The following MAPRE3 variants were observed in gnomAD, a reference collection of about 807,000 sequenced individuals.
MAPRE3 encodes the protein microtubule associated protein RP/EB family member 3.
A neutral mutation model predicts 30.5 loss-of-function variants in MAPRE3; 2 were observed. The ratio of observed to expected loss-of-function variants is 0.07; its 90% confidence interval spans 0.03 to 0.21. The LOEUF (loss-of-function observed/expected upper bound fraction) is 0.21, where lower values mean the gene tolerates loss of function less well. MAPRE3 is among the 10% of genes least tolerant of loss of function. The probability of loss-of-function intolerance (pLI) is 1.00; values close to 1 mark genes in which losing one functional copy is unlikely to be tolerated. For synonymous variants in MAPRE3, 110 were observed against 127.7 expected, an observed-to-expected ratio of 0.86 and a Z score of 0.93; for missense variants, 204 against 351.8, an observed-to-expected ratio of 0.58 and a Z score of 3.36.
At chr2:27,012,381 G>T (rs1666881647) in intron 1 of MAPRE3, 1 of 152,160 alleles carries the variant, frequency 6.6e-6, no homozygotes, top group Non-Finnish European at 1.5e-5. Context: ...TGTTCATTTG[G>T]CCAGGTTCAG....
At chr2:27,008,462 T>C (rs1666777109) in intron 1 of MAPRE3, among the ~76,000 whole-genome samples, 1 of 152,110 alleles carries the variant, frequency 6.6e-6, no homozygotes, top group Admixed American at 6.5e-5. Flanking sequence ...GAAATTTATT[T>C]TAAAAAGAAG....
Position 27,025,630 on chromosome 2 carries a change from G to A in MAPRE3, c.517G>A (p.Gly173Ser), listed in dbSNP as rs556886277. The change falls in exon 5 of 7, where the codon GGC (glycine) becomes AGC (serine). Residue 173 changes from glycine (G) to serine (S), a missense_variant. Gly to Ser is a moderately conservative substitution (Grantham distance 56). This residue lies in a region of MAPRE3 where 32 missense variants were observed against 20.7 expected (regional missense o/e 1.55). Coordinates refer to ENST00000233121, the MANE Select transcript of MAPRE3 (RefSeq NM_012326.4). Reference sequence around the variant, plus strand: ...AGGCCCAAAAAACATGCAGACCTCTGGCCGGCTGAGCAATGTGGCCCCCCC... The same window carrying A: ...AGGCCCAAAAAACATGCAGACCTCTAGCCGGCTGAGCAATGTGGCCCCCCC... Reference protein sequence around the residue: ...PTGPKNMQTSGRLSNVAPPCI... With the variant: ...PTGPKNMQTSSRLSNVAPPCI... 2.5e-6 allele frequency: 4 copies of A among 1,604,134 alleles called. No homozygotes were observed. The highest frequency in any genetic ancestry group is 3.4e-6 in the Non-Finnish European group (4 of 1,175,088).
Position 27,026,951 on chromosome 2 carries a change from T to A in MAPRE3, c.*603T>A, listed in dbSNP as rs1270169467. On this transcript the variant is annotated 3_prime_UTR_variant, in exon 7 of 7. Coordinates refer to ENST00000233121, the MANE Select transcript of MAPRE3 (RefSeq NM_012326.4). Reference sequence around the variant, plus strand: ...GGGGTCAGGGAAAGGGAGGGGGGCATGTGAGGGATGGAAATGACCTCCTGG... The same window carrying A: ...GGGGTCAGGGAAAGGGAGGGGGGCAAGTGAGGGATGGAAATGACCTCCTGG... The A allele has an allele frequency of 6.6e-6, 1 of 152,416 alleles. No homozygotes were observed. Among genetic ancestry groups the A allele is most frequent in the Non-Finnish European group, 1.5e-5 (1 of 68,262 alleles). 9.4% of individuals were successfully genotyped at this position (152,416 alleles called of 1,614,324 possible).
chr2:26,995,465 A>G (rs924351837), intron 1 of MAPRE3: 1 of 152,242 alleles, frequency 6.6e-6, no homozygotes, highest in African/African-American at 2.4e-5. Context: ...TCTAGAAAGT[A>G]AGGAACTTAC....
intron 1 of MAPRE3, among the ~76,000 whole-genome samples, chr2:27,008,012 T>G (rs1250575644): frequency 6.6e-6 from 1 of 152,256 alleles, no homozygotes; most frequent in Non-Finnish European, 1.5e-5. Context: ...CTTTTGACTA[T>G]CTCAGTCCTT....
At chr2:26,997,703 C>G (rs1021705746) in intron 1 of MAPRE3, among the ~76,000 whole-genome samples, 3 of 152,112 alleles carry the variant, frequency 2.0e-5, no homozygotes, top group African/African-American at 7.2e-5. Context: ...TTGGTAATCC[C>G]TGGTAGAAAG....
Position 26,995,780 on chromosome 2 carries a change from G to GGTGTGTGTGTGTGTGTGTGTGTGT in MAPRE3, c.-8+25005_-8+25028dup, listed in dbSNP as rs1276648645. Among the ~76,000 whole-genome samples, 155 of 109,692 alleles carry GGTGTGTGTGTGTGTGTGTGTGTGT rather than the reference G, an allele frequency of 1.4e-3. 5 individuals are homozygous for GGTGTGTGTGTGTGTGTGTGTGTGT. The highest frequency in any genetic ancestry group is 3.1e-3 in the East Asian group (9 of 2,878). 72.0% of individuals were successfully genotyped at this position (109,692 alleles called of 152,430 possible). Reference sequence around the variant, plus strand: ...AATACCTGAGGGTCTTTCTAAGAGAGGTGTGTGTGTGTGTGTGTGTGTGTG... The same window carrying GGTGTGTGTGTGTGTGTGTGTGTGT: ...AATACCTGAGGGTCTTTCTAAGAGAGGTGTGTGTGTGTGTGTGTGTGTGTGTGTGTGTGTGTGTGTGTGTGTGTG... On this transcript the variant is annotated intron_variant, in intron 1 of 6. Coordinates refer to ENST00000233121, the MANE Select transcript of MAPRE3 (RefSeq NM_012326.4).
chr2:27,005,788 T>C (rs1186910965), intron 1 of MAPRE3, among the ~76,000 whole-genome samples: 9 of 152,342 alleles, frequency 5.9e-5, no homozygotes, highest in Non-Finnish European at 1.0e-4. Context: ...TGGGATTTCA[T>C]TGGTGGCAAC....
At chr2:27,018,895 T>TTTTTTTTTTTTATTTATTTA (rs376046795) in intron 1 of MAPRE3, among the ~76,000 whole-genome samples, 3 of 146,850 alleles carry the variant, frequency 2.0e-5, no homozygotes, top group African/African-American at 7.6e-5. Context: ...GCACACACAT[T>TTTTTTTTTTTTATTTATTTA]TTTATTTATT....
At chr2:26,993,594 G>T (rs999732314) in intron 1 of MAPRE3, among the ~76,000 whole-genome samples, 21 of 152,156 alleles carry the variant, frequency 1.4e-4, no homozygotes, top group African/African-American at 4.8e-4. Flanking sequence ...CCTGTTGAGG[G>T]AAAGTTCTGG....
intron 1 of MAPRE3, among the ~76,000 whole-genome samples, chr2:26,976,472 C>T (rs895546249): frequency 6.6e-6 from 1 of 152,180 alleles, no homozygotes; most frequent in South Asian, 2.1e-4. Flanking sequence ...AGCCAAGTTT[C>T]GTGAAGCATG....
intron 4 of MAPRE3, 100 bp from the exon 5 acceptor site, chr2:27,025,483 T>A: frequency 7.9e-7 from 1 of 1,266,738 alleles, no homozygotes; most frequent in Non-Finnish European, 1.1e-6. Context: ...AGTGCCTGCC[T>A]GTCGCATGGG....
At chr2:26,971,794 T>C (rs1665920856) in intron 1 of MAPRE3, among the ~76,000 whole-genome samples, 1 of 152,088 alleles carries the variant, frequency 6.6e-6, no homozygotes, top group Non-Finnish European at 1.5e-5. Flanking sequence ...TAACATAACG[T>C]GTGCAGAGTT....
intron 1 of MAPRE3, among the ~76,000 whole-genome samples, chr2:27,021,877 G>A (rs1054240028): frequency 2.6e-5 from 4 of 152,100 alleles, no homozygotes; most frequent in Admixed American, 1.3e-4. Context: ...CAGCAGATGC[G>A]CTCACACCCT....
At position 27,026,095 on chromosome 2, in the gene MAPRE3, G is replaced by A. The variant is rs538440048; in HGVS notation, c.777+63G>A. The A allele has an allele frequency of 5.8e-5, 92 of 1,587,714 alleles. No homozygotes were observed. In the Middle Eastern group the frequency reaches 6.9e-4, roughly 12 times the overall value. On this transcript the variant is annotated intron_variant, in intron 6 of 6. Transcript: ENST00000233121. The stretch of plus-strand genomic sequence containing the variant: ...GGCCTGGCCCTAAGACCAGAAGCGC[G>A]ATAGGGCCAGAAGGGACCGTGGAGA...
rs1303271781 is a variant in MAPRE3, at chr2:27,015,304, C to T, written c.-7-6908C>T. On this transcript the variant is annotated intron_variant, in intron 1 of 6. Transcript: ENST00000233121. The surrounding 1 kb of genome is among the most constrained non-coding windows in gnomAD (Gnocchi z 4.0). ...GTGTACACATGGCTCACTTAATCCTCATAACTGTTCTGTGAGGTGGGAGCT... is the reference window on the plus strand; with the variant it reads ...GTGTACACATGGCTCACTTAATCCTTATAACTGTTCTGTGAGGTGGGAGCT... Among the ~76,000 whole-genome samples the T allele has an allele frequency of 6.6e-6, 1 of 152,260 alleles. No homozygotes were observed. Among genetic ancestry groups the T allele is most frequent in the Non-Finnish European group, 1.5e-5 (1 of 68,046 alleles).
At chr2:26,980,895 CA>C (rs1225166455) in intron 1 of MAPRE3, among the ~76,000 whole-genome samples, 1 of 151,928 alleles carries the variant, frequency 6.6e-6, no homozygotes, top group Non-Finnish European at 1.5e-5. Flanking sequence ...AGAAATAAAG[CA>C]AAAAGGAATG....
intron 1 of MAPRE3, among the ~76,000 whole-genome samples, chr2:26,971,013 C>CCCCTCCCCTT (rs1665906215): frequency 6.6e-6 from 1 of 151,940 alleles, no homozygotes; most frequent in Admixed American, 6.5e-5. Context: ...CCAGCCACTC[C>CCCCTCCCCTT]CCCTCCCCTT....
intron 1 of MAPRE3, among the ~76,000 whole-genome samples, chr2:26,992,488 G>A (rs577614789): frequency 2.0e-5 from 3 of 151,730 alleles, no homozygotes; most frequent in African/African-American, 7.3e-5. Context: ...GCCTCCCAAA[G>A]TGCTGGGATT....
Sources: gnomAD v4.1 joint callset for allele counts (sites outside exome capture counted in the v4.1 genomes callset) on GRCh38, gnomAD v4.1.1 for gene constraint, gnomAD v4.1.1 regional missense constraint, Gnocchi (gnomAD v3.1) non-coding constraint, MANE v1.5 for transcripts, NCBI Gene and HGNC (gene_info 2026-07-23, HGNC 2026-07-21) for gene names.